NTRK2: variants seen among roughly 807,000 people sequenced by gnomAD.
NTRK2 encodes the protein BDNF/NT-3 growth factors receptor.
NTRK2 carries 13 observed loss-of-function variants against 94.5 expected under a neutral mutation model. The ratio of observed to expected loss-of-function variants is 0.14; its 90% confidence interval spans 0.09 to 0.22. NTRK2 has a LOEUF of 0.22. Ranked by LOEUF, NTRK2 falls within the 10% of genes least tolerant of loss-of-function variation. NTRK2 has a pLI of 1.00. For missense variants in NTRK2, 639 were observed against 1,071.2 expected (o/e 0.60, Z 5.63); for synonymous variants, 372 against 407.4 (o/e 0.91, Z 1.05).
intron 12 of NTRK2, among the ~76,000 whole-genome samples, chr9:84,807,683 C>T (rs1229249207): frequency 6.6e-6 from 1 of 152,158 alleles, no homozygotes; most frequent in African/African-American, 2.4e-5. Flanking sequence ...AAAACTTTCC[C>T]CCTCACAAGG....
chr9:85,012,334 A>G (rs1831709783), intron 17 of NTRK2, among the ~76,000 whole-genome samples: 1 of 152,126 alleles, frequency 6.6e-6, no homozygotes, highest in Non-Finnish European at 1.5e-5. Context: ...ATATGCCCAT[A>G]GTATAATTCA....
Position 84,698,372 on chromosome 9 carries a change from C to T in NTRK2, c.213-3787C>T, listed in dbSNP as rs536266931. On this transcript the variant is annotated intron_variant, in intron 2 of 18. Transcript: ENST00000277120. ...TGTCTTTCTGTTCAAATATGTAGAT[C>T]TGATTTAATCTAATATATATATATA... 1.4e-4 allele frequency among the ~76,000 whole-genome samples: 20 copies of T among 138,066 alleles called. No homozygotes were observed. The East Asian group carries it at 4.1e-3, about 28-fold the overall frequency. The allele number at this position is 138,066 out of a possible 152,430, so 90.6% of individuals were successfully genotyped here.
intron 12 of NTRK2, chr9:84,813,392 T>C: frequency 9.4e-7 from 1 of 1,060,658 alleles, no homozygotes; most frequent in Admixed American, 5.4e-5. Flanking sequence ...TTAAAACATT[T>C]TGTAAGCCAA....
intron 15 of NTRK2, among the ~76,000 whole-genome samples, chr9:84,945,324 C>T (rs1426582495): frequency 1.3e-5 from 2 of 152,114 alleles, no homozygotes; most frequent in East Asian, 3.9e-4. Context: ...GATCAGGCAG[C>T]AGGTGATAAA....
chr9:84,689,998 A>G (rs1041023495), intron 2 of NTRK2, among the ~76,000 whole-genome samples: 3 of 152,182 alleles, frequency 2.0e-5, no homozygotes, highest in Non-Finnish European at 4.4e-5. Context: ...GTGGCCTTAC[A>G]CAACCACTAT....
At chr9:84,677,333 C>T (rs1294120389) in intron 2 of NTRK2, among the ~76,000 whole-genome samples, 1 of 152,172 alleles carries the variant, frequency 6.6e-6, no homozygotes, top group East Asian at 1.9e-4. Context: ...TGACTAGTCT[C>T]AGTGGCTGAG....
chr9:84,996,579 G>A (rs1331052850), intron 17 of NTRK2, among the ~76,000 whole-genome samples: 1 of 152,230 alleles, frequency 6.6e-6, no homozygotes, highest in Non-Finnish European at 1.5e-5. Context: ...AATCTTGGGA[G>A]AAGACATGAG....
At chr9:84,983,635 C>G (rs1238158755) in intron 17 of NTRK2, among the ~76,000 whole-genome samples, 1 of 152,120 alleles carries the variant, frequency 6.6e-6, no homozygotes, top group Admixed American at 6.6e-5. Flanking sequence ...GCTGTGGGAG[C>G]CTTGATCCCA....
At chr9:84,791,534 G>T (rs1326261772) in intron 12 of NTRK2, among the ~76,000 whole-genome samples, 1 of 152,080 alleles carries the variant, frequency 6.6e-6, no homozygotes, top group African/African-American at 2.4e-5. Flanking sequence ...GGTGTTTGGG[G>T]GTGGGGGGCA....
At chr9:84,817,465 A>G (rs1035149947) in intron 12 of NTRK2, among the ~76,000 whole-genome samples, 21 of 152,176 alleles carry the variant, frequency 1.4e-4, no homozygotes, top group Admixed American at 1.2e-3. Flanking sequence ...AGAGGATCTG[A>G]TTTATTTGGC....
intron 12 of NTRK2, among the ~76,000 whole-genome samples, chr9:84,795,189 G>A (rs1355087973): frequency 6.6e-6 from 1 of 152,174 alleles, no homozygotes; most frequent in Non-Finnish European, 1.5e-5. Context: ...CCTCCTGAGG[G>A]GTGGTGGCAG....
At chr9:84,996,801 G>T (rs1243931852) in intron 17 of NTRK2, among the ~76,000 whole-genome samples, 1 of 152,234 alleles carries the variant, frequency 6.6e-6, no homozygotes, top group African/African-American at 2.4e-5. Flanking sequence ...GGTAGAGAGA[G>T]ACACAGGCTA....
At chr9:84,817,766 T>C (rs1389415709) in intron 12 of NTRK2, among the ~76,000 whole-genome samples, 1 of 152,224 alleles carries the variant, frequency 6.6e-6, no homozygotes, top group Non-Finnish European at 1.5e-5. Context: ...TCACAGGCAA[T>C]GAGTTATGAA....
rs190585965 is a variant in NTRK2 at position 84,693,641 on chromosome 9, T to C, written c.213-8518T>C. 3.3e-5 allele frequency among the ~76,000 whole-genome samples: 5 copies of C among 152,326 alleles called. No homozygotes were observed. The East Asian group carries it at 9.6e-4, about 29-fold the overall frequency. On this transcript the variant is annotated intron_variant, in intron 2 of 18. Transcript: ENST00000277120. Reference sequence around the variant, plus strand: ...TTGAAACTGGTCTGTTCATTTTAAATAATAATTAGCATTAATTGAAATTCT... The same window carrying C: ...TTGAAACTGGTCTGTTCATTTTAAACAATAATTAGCATTAATTGAAATTCT...
chr9:84,848,649 A>C lies in NTRK2; in HGVS notation c.1397-12391A>C, dbSNP rs568019671. On this transcript the variant is annotated intron_variant, in intron 12 of 18. Transcript: ENST00000277120. The stretch of plus-strand genomic sequence containing the variant: ...AAGAAAGCCGGAAGTCTGAGACTAT[A>C]GAATCAGACCCTCTGACGTTTTGAA... 4.6e-5 allele frequency among the ~76,000 whole-genome samples: 7 copies of C among 152,362 alleles called. No homozygotes were observed. In the South Asian group the frequency reaches 1.2e-3, roughly 27 times the overall value.
chr9:84,724,485 CTA>C (rs1260379020), intron 8 of NTRK2, 129 bp downstream of exon 8: 3 of 1,043,744 alleles, frequency 2.9e-6, no homozygotes, highest in Non-Finnish European at 4.5e-6. Flanking sequence ...TGTGCATACT[CTA>C]TTAAGAAACA....
chr9:84,969,396 A>G (rs1453820415), intron 17 of NTRK2, among the ~76,000 whole-genome samples: 1 of 152,254 alleles, frequency 6.6e-6, no homozygotes, highest in Non-Finnish European at 1.5e-5. Flanking sequence ...GAAAAGCTCA[A>G]TTTGCATAGC....
At chr9:84,811,573 G>A in intron 12 of NTRK2, 1 of 1,065,570 alleles carries the variant, frequency 9.4e-7, no homozygotes, top group East Asian at 5.0e-5. Context: ...AAAGGCCTGG[G>A]AGCAGAATGG....
intron 14 of NTRK2, among the ~76,000 whole-genome samples, chr9:84,887,205 G>C (rs2132263033): frequency 6.6e-6 from 1 of 152,292 alleles, no homozygotes; most frequent in East Asian, 1.9e-4. Context: ...TAATATTTCA[G>C]GAAATGTAAG....
Sources: allele counts gnomAD v4.1 joint callset (sites outside exome capture counted in the v4.1 genomes callset), GRCh38; gene constraint gnomAD v4.1.1; transcripts MANE v1.5; gene names NCBI Gene and HGNC (gene_info 2026-07-23, HGNC 2026-07-21).